The following FOXP4 variants were observed in gnomAD, a reference collection of about 807,000 sequenced individuals.
FOXP4 encodes the protein forkhead box protein P4.
In FOXP4, 25 loss-of-function variants were observed where a neutral mutation model predicts 82.6. The ratio of observed to expected loss-of-function variants is 0.30; its 90% confidence interval spans 0.22 to 0.42. The LOEUF is 0.42. Ranked by LOEUF, FOXP4 falls within the 10% of genes least tolerant of loss-of-function variation. The pLI is 1.00. For missense variants in FOXP4, 785 were observed against 900.9 expected (o/e 0.87, Z 1.65); for synonymous variants, 415 against 388.2 (o/e 1.07, Z -0.81).
In FOXP4 at chr6:41,584,797, C is replaced by T. The variant is rs781747834; in HGVS notation, c.329C>T (p.Pro110Leu). 5.6e-6 allele frequency: 9 copies of T among 1,599,756 alleles called. No homozygotes were observed. The highest frequency in any genetic ancestry group is 7.7e-6 in the Non-Finnish European group (9 of 1,173,582). The change falls in exon 4 of 17, where the codon CCG becomes CTG. Residue 110 changes from proline (P) to leucine (L), a missense_variant. Transcript: ENST00000307972. ...QVPVSVAMMS[P>L]QMLTPQQMQQ... ...CCTGTGTCGGTGGCCATGATGTCGC[C>T]GCAGATGCTTACCCCGCAACAGATG... is the stretch of plus-strand genomic sequence containing the variant.
intron 1 of FOXP4, among the ~76,000 whole-genome samples, chr6:41,555,444 G>A (rs1764223438): frequency 6.6e-6 from 1 of 152,150 alleles, no homozygotes; most frequent in Admixed American, 6.5e-5. Context: ...ATGAAGGGAG[G>A]GGCCAAGGCA....
chr6:41,561,532 G>A (rs1166675028), intron 1 of FOXP4, among the ~76,000 whole-genome samples: 1 of 152,178 alleles, frequency 6.6e-6, no homozygotes, highest in Non-Finnish European at 1.5e-5. Flanking sequence ...TTCCTGTTCC[G>A]CAGGTGTTCA....
At chr6:41,594,732 C>A (rs920658875) in intron 13 of FOXP4, 138 bp from the exon 14 acceptor site, 15 of 1,350,516 alleles carry the variant, frequency 1.1e-5, no homozygotes, top group Non-Finnish European at 1.5e-5. Context: ...CTCCTCCCAG[C>A]CCACCCCCCT....
intron 15 of FOXP4, 119 bp downstream of exon 15, chr6:41,597,361 C>G (rs369059972): frequency 9.5e-7 from 1 of 1,058,086 alleles, no homozygotes; most frequent in African/African-American, 1.6e-5. Context: ...GGGTGAAGAC[C>G]CAAACTCTCC....
chr6:41,598,009 GCGT>G, intron 16 of FOXP4, 59 bp downstream of exon 16: 1 of 1,374,136 alleles, frequency 7.3e-7, no homozygotes, highest in African/African-American at 1.5e-5. Context: ...CAGGGAGGAG[GCGT>G]CATCCCCCAC....
chr6:41,571,734 C>T (rs944242903), intron 2 of FOXP4, among the ~76,000 whole-genome samples: 3 of 152,100 alleles, frequency 2.0e-5, no homozygotes, highest in Admixed American at 2.0e-4. Context: ...GGTCTCCTCT[C>T]CCCACCTTCC....
chr6:41,588,832 G>A, intron 9 of FOXP4, 101 bp downstream of exon 9: 1 of 1,314,604 alleles, frequency 7.6e-7, no homozygotes, highest in Non-Finnish European at 1.1e-6. Context: ...GGGTCTCATG[G>A]AAGGGTCCTA....
At chr6:41,598,679 G>T in intron 16 of FOXP4, 110 bp from the exon 17 acceptor site, 14 of 1,473,618 alleles carry the variant, frequency 9.5e-6, no homozygotes, top group Non-Finnish European at 1.3e-5. Context: ...CCTGGGGAGG[G>T]GGCTGTGGGC....
At chr6:41,550,021 C>A (rs1482843120) in intron 1 of FOXP4, among the ~76,000 whole-genome samples, 1 of 152,188 alleles carries the variant, frequency 6.6e-6, no homozygotes, top group Non-Finnish European at 1.5e-5. Context: ...ACAGATCTTA[C>A]CACGCTCCAG....
At chr6:41,582,431 G>A (rs938509787) in intron 3 of FOXP4, among the ~76,000 whole-genome samples, 21 of 152,220 alleles carry the variant, frequency 1.4e-4, no homozygotes, top group African/African-American at 3.4e-4. Flanking sequence ...CCAGTTAGCC[G>A]ACCGGGAAAG....
rs763471178 is a variant in FOXP4 at position 41,590,262 on chromosome 6, T to A, written c.1358-9T>A. 1 of 1,613,906 alleles carries A rather than the reference T, an allele frequency of 6.2e-7. No individual in the cohort carries two copies. Among genetic ancestry groups the A allele is most frequent in the Non-Finnish European group, 8.5e-7 (1 of 1,179,960 alleles). ...ATCTGGCTACCTCATCCTCTGCCTG[T>A]CTCCCCAGAGCTGGCCCAGAATCAT... On this transcript the variant is annotated splice_polypyrimidine_tract_variant and intron_variant, in intron 11 of 16. Coordinates refer to ENST00000307972, the MANE Select transcript of FOXP4 (RefSeq NM_001012426.2).
chr6:41,589,198 A>T (rs1463858911), intron 9 of FOXP4, among the ~76,000 whole-genome samples: 1 of 152,224 alleles, frequency 6.6e-6, no homozygotes, highest in Non-Finnish European at 1.5e-5. Context: ...GGCTTTCCCA[A>T]GGGAGTATCC....
Position 41,589,800 on chromosome 6 carries a change from C to T in FOXP4, c.1095C>T (p.Ala365=). The T allele has an allele frequency of 6.2e-7, 1 of 1,611,232 alleles. No individual in the cohort carries two copies. The highest frequency in any genetic ancestry group is 8.5e-7 in the Non-Finnish European group (1 of 1,179,936). The part of the protein sequence containing the change: ...QLAKESERLQ[A]MMAHLHMRPS... ...CCAAGGAGAGCGAGCGGCTGCAGGCCATGATGGCCCACCTGCACATGCGGC... is the reference window on the plus strand; with the variant it reads ...CCAAGGAGAGCGAGCGGCTGCAGGCTATGATGGCCCACCTGCACATGCGGC... Residue 365 remains alanine (A), a synonymous_variant, in exon 10 of 17, where the codon GCC becomes GCT. Transcript: ENST00000307972.
chr6:41,580,142 A>G (rs1765715985), intron 3 of FOXP4, among the ~76,000 whole-genome samples: 1 of 151,624 alleles, frequency 6.6e-6, no homozygotes, highest in East Asian at 1.9e-4. Flanking sequence ...CCCGGGTTCA[A>G]GCAGTTTTCC....
rs777570267 is a variant in FOXP4, at chr6:41,584,837, G to A, written c.369G>A (p.Ser123=). 1.1e-5 allele frequency: 18 copies of A among 1,609,738 alleles called. No homozygotes were observed. The highest frequency in any genetic ancestry group is 4.5e-5 in the East Asian group (2 of 44,740). ...CGCAACAGATGCAGCAGATCCTGTC[G>A]CCCCCGCAGCTGCAGGCCTTGCTCC... ...LTPQQMQQIL[S]PPQLQALLQQ... Residue 123 remains serine (S), a synonymous_variant, in exon 4 of 17, where the codon TCG becomes TCA. Coordinates refer to ENST00000307972, the MANE Select transcript of FOXP4 (RefSeq NM_001012426.2).
intron 16 of FOXP4, among the ~76,000 whole-genome samples, chr6:41,598,533 T>C (rs934426077): frequency 3.3e-5 from 5 of 152,158 alleles, no homozygotes; most frequent in African/African-American, 7.2e-5. Flanking sequence ...TCTATCTTTC[T>C]TCTCCTTCCT....
At chr6:41,555,796 G>A (rs569758067) in intron 1 of FOXP4, among the ~76,000 whole-genome samples, 1 of 152,350 alleles carries the variant, frequency 6.6e-6, no homozygotes, top group Non-Finnish European at 1.5e-5. Context: ...ATTAACAAGG[G>A]TGTTGTGGAC....
chr6:41,580,156 C>T (rs542426045), intron 3 of FOXP4, among the ~76,000 whole-genome samples: 7 of 151,856 alleles, frequency 4.6e-5, no homozygotes, highest in African/African-American at 1.7e-4. Context: ...GTTTTCCTGC[C>T]TCAGTCTCCC....
Position 41,597,812 on chromosome 6 carries a change from T to A in FOXP4, c.1757T>A (p.Leu586His), listed in dbSNP as rs550668087. 4.0e-5 allele frequency: 65 copies of A among 1,607,396 alleles called. No individual in the cohort carries two copies. The Admixed American group carries it at 1.1e-3, about 26-fold the overall frequency. The change falls in exon 16 of 17, where the codon CTC (leucine) becomes CAC (histidine). Residue 586 changes from leucine (L) to histidine (H), a missense_variant. Physicochemically the swap from Leu to His is moderately conservative, Grantham distance 99. Transcript: ENST00000307972. ...AALAESSFPL[L>H]NSPGMLNPGS... ...CTGGCCGAGAGCAGCTTCCCCCTCC[T>A]CAACAGCCCTGGCATGCTGAACCCT... is the stretch of plus-strand genomic sequence containing the variant.
Sources: gnomAD v4.1 joint callset for allele counts (sites outside exome capture counted in the v4.1 genomes callset) on GRCh38, gnomAD v4.1.1 for gene constraint, MANE v1.5 for transcripts, NCBI Gene and HGNC (gene_info 2026-07-23, HGNC 2026-07-21) for gene names.